The following CCDC167 variants were observed in gnomAD, a reference collection of about 807,000 sequenced individuals.
The protein encoded by CCDC167 is coiled-coil domain-containing protein 167.
In CCDC167, 15 loss-of-function variants were observed where a neutral mutation model predicts 12.7. The observed-to-expected ratio is 1.18, with a 90% CI of 0.79 to 1.81. The LOEUF is 1.81. Ranked by LOEUF, CCDC167 falls within the 40% of genes most tolerant of loss-of-function variation. The pLI, the probability that CCDC167 is intolerant of heterozygous loss-of-function variation, is 0.00. For missense variants in CCDC167, 121 were observed against 120.1 expected (o/e 1.01, Z -0.03); for synonymous variants, 52 against 49.0 (o/e 1.06, Z -0.26).
chr6:37,494,985 A>G (rs1762080072), intron 1 of CCDC167, among the ~76,000 whole-genome samples: 1 of 151,822 alleles, frequency 6.6e-6, no homozygotes, highest in Non-Finnish European at 1.5e-5. Context: ...TTTTTAGTAG[A>G]GATGGTGTTT....
At chr6:37,490,057 A>T (rs1761997264) in intron 1 of CCDC167, among the ~76,000 whole-genome samples, 1 of 152,220 alleles carries the variant, frequency 6.6e-6, no homozygotes, top group African/African-American at 2.4e-5. Flanking sequence ...CCAGTCACTG[A>T]GATGAGTCAG....
At chr6:37,490,201 G>A (rs1762000540) in intron 1 of CCDC167, among the ~76,000 whole-genome samples, 1 of 152,156 alleles carries the variant, frequency 6.6e-6, no homozygotes, top group East Asian at 1.9e-4. Context: ...GGGAGGCGCT[G>A]TGTGAAGCCC....
chr6:37,484,787 G>A (rs373934858), intron 3 of CCDC167, 23 bp downstream of exon 3: 3 of 1,614,002 alleles, frequency 1.9e-6, no homozygotes, highest in African/African-American at 2.7e-5. Flanking sequence ...GCTGGGGCTG[G>A]TAACTGAAAG....
chr6:37,484,525 T>C (rs1761916360), intron 3 of CCDC167, among the ~76,000 whole-genome samples: 1 of 152,140 alleles, frequency 6.6e-6, no homozygotes, highest in Admixed American at 6.5e-5. Flanking sequence ...AGACTTCCGA[T>C]GTCTAGGTGA....
intron 1 of CCDC167, among the ~76,000 whole-genome samples, chr6:37,496,835 C>T (rs750690814): frequency 2.0e-5 from 3 of 152,210 alleles, no homozygotes; most frequent in South Asian, 2.1e-4. Flanking sequence ...GACTGGTGAA[C>T]GCATTTCCCT....
At chr6:37,491,499 G>C (rs1762021970) in intron 1 of CCDC167, among the ~76,000 whole-genome samples, 1 of 152,222 alleles carries the variant, frequency 6.6e-6, no homozygotes, top group Non-Finnish European at 1.5e-5. Context: ...TGGCCAGCGA[G>C]TGACAGGTTT....
intron 2 of CCDC167, 62 bp downstream of exon 2, chr6:37,485,038 G>A: frequency 1.3e-6 from 2 of 1,517,770 alleles, no homozygotes; most frequent in African/African-American, 2.7e-5. Context: ...GGGGGACCCA[G>A]GATAGATACA....
In CCDC167 at chr6:37,499,872, C is replaced by A. The variant is rs750235549; in HGVS notation, c.-9G>T. 2 of 1,614,104 alleles carry A rather than the reference C, an allele frequency of 1.2e-6. No individual in the cohort carries two copies. The highest frequency in any genetic ancestry group is 3.3e-5 in the Admixed American group (2 of 60,012). ...CGCTTCTTTTTAGTCATGTTACTTG[C>A]CGGGATCCCCCAGTCATCACTGGAC... On this transcript the variant is annotated 5_prime_UTR_variant, in exon 1 of 4. Transcript: ENST00000373408.
At position 37,482,954 on chromosome 6, in the gene CCDC167, T is replaced by C; in HGVS notation, c.*232A>G. ...CAGACGGGAACAGCTTTGTGTTCTT[T>C]ATTGCCTCTCCCTTGGGCTAAGGGA... is the stretch of plus-strand genomic sequence containing the variant. On this transcript the variant is annotated 3_prime_UTR_variant, in exon 4 of 4. Coordinates refer to ENST00000373408, the MANE Select transcript of CCDC167 (RefSeq NM_138493.3). The C allele has an allele frequency of 1.8e-6, 1 of 570,570 alleles. No individual in the cohort carries two copies. The highest frequency in any genetic ancestry group is 3.3e-6 in the Non-Finnish European group (1 of 305,326). The allele number at this position is 570,570 out of a possible 1,614,324, so 35.3% of individuals were successfully genotyped here.
intron 1 of CCDC167, among the ~76,000 whole-genome samples, chr6:37,499,368 G>C (rs926087555): frequency 2.6e-5 from 4 of 152,142 alleles, no homozygotes; most frequent in Non-Finnish European, 2.9e-5. Flanking sequence ...TCCCCTTTTA[G>C]AGGATATTTA....
intron 1 of CCDC167, among the ~76,000 whole-genome samples, chr6:37,498,140 T>C (rs1812186): frequency 0.72 from 109,812 of 151,978 alleles, 40,289 homozygotes; most frequent in African/African-American, 0.83. Flanking sequence ...ATGTGGAATC[T>C]GTGAATAATG....
intron 1 of CCDC167, among the ~76,000 whole-genome samples, chr6:37,491,169 G>A (rs928774595): frequency 6.6e-6 from 1 of 152,210 alleles, no homozygotes; most frequent in African/African-American, 2.4e-5. Flanking sequence ...GGCCAGGTCA[G>A]CTGATGGGGT....
chr6:37,487,239 G>A (rs367975927), intron 1 of CCDC167, among the ~76,000 whole-genome samples: 18 of 152,316 alleles, frequency 1.2e-4, no homozygotes, highest in South Asian at 1.0e-3. Context: ...GCCTGGTCCC[G>A]GCAGAGGCCC....
At chr6:37,499,540 T>C (rs1470603715) in intron 1 of CCDC167, among the ~76,000 whole-genome samples, 1 of 152,136 alleles carries the variant, frequency 6.6e-6, no homozygotes, top group African/African-American at 2.4e-5. Flanking sequence ...CCCTCACTTC[T>C]ATGCCAGGCC....
chr6:37,484,943 G>C, intron 2 of CCDC167, 81 bp from the exon 3 acceptor site: 1 of 1,576,068 alleles, frequency 6.3e-7, no homozygotes, highest in South Asian at 1.1e-5. Flanking sequence ...CAGTTGGCAG[G>C]GCTTGGGTCT....
chr6:37,490,077 CAG>C (rs1761997482), intron 1 of CCDC167, among the ~76,000 whole-genome samples: 1 of 152,204 alleles, frequency 6.6e-6, no homozygotes, highest in Non-Finnish European at 1.5e-5. Context: ...GCAGGGGGCA[CAG>C]GGCTGCGATC....
At chr6:37,490,689 C>T (rs150088810) in intron 1 of CCDC167, among the ~76,000 whole-genome samples, 1 of 152,160 alleles carries the variant, frequency 6.6e-6, no homozygotes, top group Non-Finnish European at 1.5e-5. Flanking sequence ...GTCAGCCCAG[C>T]AGTCAAGGCT....
At chr6:37,494,805 ATT>A (rs201478338) in intron 1 of CCDC167, among the ~76,000 whole-genome samples, 6 of 115,182 alleles carry the variant, frequency 5.2e-5, no homozygotes, top group Admixed American at 9.5e-5. Context: ...CTACCTACAA[ATT>A]TTTTTTTTTT....
At chr6:37,491,278 C>T (rs1226179221) in intron 1 of CCDC167, among the ~76,000 whole-genome samples, 1 of 152,232 alleles carries the variant, frequency 6.6e-6, no homozygotes, top group African/African-American at 2.4e-5. Context: ...TCACTCTATT[C>T]TCCTACTGAA....
Sources: allele counts gnomAD v4.1 joint callset (sites outside exome capture counted in the v4.1 genomes callset), GRCh38; gene constraint gnomAD v4.1.1; transcripts MANE v1.5; gene names NCBI Gene and HGNC (gene_info 2026-07-23, HGNC 2026-07-21).